The following ANK2 variants were observed in gnomAD, a reference collection of about 807,000 sequenced individuals.
ANK2 encodes ankyrin-2.
In ANK2, 83 loss-of-function variants were observed where a neutral mutation model predicts 360.5. That is an observed-to-expected ratio of 0.23 (90% CI 0.19 to 0.28). ANK2 has a LOEUF of 0.28. Among genes scored for constraint, ANK2 ranks in the 10% least tolerant of loss-of-function variants. The pLI is 1.00. For missense variants in ANK2, 4,201 were observed against 4,795.7 expected (o/e 0.88, Z 3.66); for synonymous variants, 1,740 against 1,759.5 (o/e 0.99, Z 0.28).
chr4:113,032,980 T>G (rs1023462092), intron 2 of ANK2, among the ~76,000 whole-genome samples: 3 of 152,038 alleles, frequency 2.0e-5, no homozygotes, highest in Non-Finnish European at 2.9e-5. Context: ...TAAAATAGCT[T>G]CCAGTATCAG....
At chr4:113,101,588 A>G (rs313953) in intron 1 of ANK2, among the ~76,000 whole-genome samples, 6,242 of 152,030 alleles carry the variant, frequency 0.041, 308 homozygotes, top group African/African-American at 0.11. Context: ...AGAAAAAGTT[A>G]CAGAGCTCAT....
chr4:113,273,042 T>C (rs1008892335), intron 14 of ANK2, among the ~76,000 whole-genome samples: 3 of 152,234 alleles, frequency 2.0e-5, no homozygotes, highest in African/African-American at 7.2e-5. Flanking sequence ...AGAAATTTTA[T>C]CTTCTAATGT....
the ANK2 span, among the ~76,000 whole-genome samples, chr4:112,765,429 C>G: frequency 6.6e-6 from 1 of 152,128 alleles, no homozygotes; most frequent in Non-Finnish European, 1.5e-5. Context: ...TGCAGAACGT[C>G]CCCTTTTGAA....
chr4:113,108,492 T>TG (rs2093918983), intron 1 of ANK2, among the ~76,000 whole-genome samples: 1 of 152,154 alleles, frequency 6.6e-6, no homozygotes, highest in African/African-American at 2.4e-5. Flanking sequence ...ACTTGACTCT[T>TG]GCTGAGCATA....
chr4:113,143,244 C>T (rs2096706394), intron 1 of ANK2, among the ~76,000 whole-genome samples: 1 of 36,474 alleles, frequency 2.7e-5, no homozygotes, highest in South Asian at 7.1e-4. Context: ...GGACTAATAT[C>T]ACAGGTGTAA....
chr4:113,082,884 C>T (rs930312051), intron 1 of ANK2, among the ~76,000 whole-genome samples: 5 of 151,978 alleles, frequency 3.3e-5, no homozygotes, highest in African/African-American at 4.8e-5. Flanking sequence ...GCTATAAAAT[C>T]GAGCCATCTT....
intron 1 of ANK2, among the ~76,000 whole-genome samples, chr4:112,903,842 T>C (rs763802678): frequency 5.3e-5 from 8 of 152,198 alleles, no homozygotes; most frequent in Non-Finnish European, 8.8e-5. Flanking sequence ...GTAAACTTTA[T>C]GATGTTTAGT....
intron 2 of ANK2, among the ~76,000 whole-genome samples, chr4:112,965,824 C>T (rs574914248): frequency 1.6e-4 from 25 of 152,044 alleles, no homozygotes; most frequent in African/African-American, 3.9e-4. Flanking sequence ...GATGATATTT[C>T]GAATCACATT....
At chr4:113,195,006 A>G (rs1035251123) in intron 2 of ANK2, among the ~76,000 whole-genome samples, 4 of 152,162 alleles carry the variant, frequency 2.6e-5, no homozygotes, top group Non-Finnish European at 5.9e-5. Context: ...CAGTGAATCT[A>G]TACCTTGATG....
intron 1 of ANK2, among the ~76,000 whole-genome samples, chr4:112,831,183 G>A (rs935885398): frequency 9.2e-5 from 14 of 152,254 alleles, no homozygotes; most frequent in African/African-American, 3.4e-4. Context: ...CAAGGGCTGA[G>A]GAGTGCGGGC....
intron 2 of ANK2, among the ~76,000 whole-genome samples, chr4:112,964,329 A>G (rs1026852525): frequency 3.5e-5 from 5 of 143,512 alleles, no homozygotes; most frequent in Non-Finnish European, 7.6e-5. Context: ...CCTCACCCCC[A>G]CTACCCTTCC....
chr4:113,259,780 C>G (rs1563233499), intron 13 of ANK2, among the ~76,000 whole-genome samples: 2 of 141,858 alleles, frequency 1.4e-5, no homozygotes, highest in Non-Finnish European at 3.1e-5. Flanking sequence ...CATCCCCCCC[C>G]TTTTTTTTTT....
intron 24 of ANK2, among the ~76,000 whole-genome samples, chr4:113,314,647 A>G (rs1468751449): frequency 6.6e-6 from 1 of 152,188 alleles, no homozygotes; most frequent in Non-Finnish European, 1.5e-5. Flanking sequence ...TTCTGATCCA[A>G]GGGCTTAAAT....
chr4:113,298,825 A>C (rs1001784149), intron 22 of ANK2, among the ~76,000 whole-genome samples: 1 of 152,198 alleles, frequency 6.6e-6, no homozygotes, highest in African/African-American at 2.4e-5. Flanking sequence ...AGGTAGTTGC[A>C]TAAAACCATG....
At chr4:113,134,281 C>CTTTT (rs5861124) in intron 1 of ANK2, among the ~76,000 whole-genome samples, 6 of 86,094 alleles carry the variant, frequency 7.0e-5, no homozygotes, top group Non-Finnish European at 1.3e-4. Flanking sequence ...TGAAAGTTGT[C>CTTTT]TTTTTTTTTT....
chr4:113,081,956 C>T (rs529371230), intron 1 of ANK2, among the ~76,000 whole-genome samples: 2 of 151,922 alleles, frequency 1.3e-5, no homozygotes, highest in South Asian at 2.1e-4. Context: ...ATTACAGGTG[C>T]GCATCACCAC....
At chr4:113,185,286 C>T (rs937482922) in intron 2 of ANK2, among the ~76,000 whole-genome samples, 4 of 152,142 alleles carry the variant, frequency 2.6e-5, no homozygotes, top group African/African-American at 4.8e-5. Flanking sequence ...GAGGAATTGC[C>T]ACTCTGTCTT....
intron 1 of ANK2, among the ~76,000 whole-genome samples, chr4:113,097,876 GCACACACACACACACGCACACACACA>G (rs2091852053): frequency 2.8e-5 from 3 of 105,940 alleles, no homozygotes; most frequent in African/African-American, 9.1e-5. Flanking sequence ...GTATATATAT[GCACACACACACACACGCACACACACA>G]TATATATGTA....
chr4:112,829,865 G>A (rs1334598843), intron 1 of ANK2, among the ~76,000 whole-genome samples: 4 of 151,944 alleles, frequency 2.6e-5, no homozygotes, highest in East Asian at 3.9e-4. Flanking sequence ...AGGCTGAGGC[G>A]GGAGAATGGC....
Sources: gnomAD v4.1 joint callset for allele counts (sites outside exome capture counted in the v4.1 genomes callset) on GRCh38, gnomAD v4.1.1 for gene constraint, MANE v1.5 for transcripts, NCBI Gene and HGNC (gene_info 2026-07-23, HGNC 2026-07-21) for gene names.